The following FOXF1 variants were observed in gnomAD, a reference collection of about 807,000 sequenced individuals.
FOXF1 encodes the protein forkhead box protein F1.
FOXF1 carries 9 observed loss-of-function variants against 26.6 expected under a neutral mutation model. The observed-to-expected ratio is 0.34, with a 90% confidence interval of 0.20 to 0.59. The LOEUF is 0.59. Ranked by LOEUF, FOXF1 falls within the 20% of genes least tolerant of loss-of-function variation. The pLI, the probability that FOXF1 is intolerant of heterozygous loss-of-function variation, is 0.83. For synonymous variants in FOXF1, 330 were observed against 257.7 expected, an observed-to-expected ratio of 1.28 and a Z score of -2.69; for missense variants, 499 against 549.9, an observed-to-expected ratio of 0.91 and a Z score of 0.93.
At position 86,511,182 on chromosome 16, in the gene FOXF1, G is replaced by T. The variant is rs772320741; in HGVS notation, c.613G>T (p.Gly205Cys). The T allele has an allele frequency of 1.3e-6, 2 of 1,572,080 alleles. No individual in the cohort carries two copies. Among genetic ancestry groups the T allele is most frequent in the South Asian group, 1.1e-5 (1 of 88,392 alleles). The change falls in exon 1 of 2, where the codon GGC becomes TGC. Residue 205 changes from glycine (G) to cysteine (C), a missense_variant. Gly to Cys is a radical substitution (Grantham distance 159, BLOSUM62 -3). Coordinates refer to ENST00000262426, the MANE Select transcript of FOXF1 (RefSeq NM_001451.3). ...MNGHLPGNVDGMALPSHSVPH... is the reference protein window; with the variant it reads ...MNGHLPGNVDCMALPSHSVPH... ...CGGCCACTTGCCGGGCAACGTGGAC[G>T]GCATGGCCCTGCCCAGCCACTCGGT...
In FOXF1 at chr16:86,511,107, T is replaced by C; in HGVS notation, c.538T>C (p.Ser180Pro). 1 of 1,605,868 alleles carries C rather than the reference T, an allele frequency of 6.2e-7. No individual in the cohort carries two copies. The change falls in exon 1 of 2, where the codon TCG (serine) becomes CCG (proline). Residue 180 changes from serine (S) to proline (P), a missense_variant. Ser to Pro is a moderately conservative substitution (Grantham distance 74). This residue lies in a region of FOXF1 where 367 missense variants were observed against 324.8 expected (regional missense o/e 1.13). Coordinates refer to ENST00000262426, the MANE Select transcript of FOXF1 (RefSeq NM_001451.3). Reference sequence around the variant, plus strand: ...CTTCCAGGGCTCGGCCGGCGGCCTCTCGTGCCCGCCCAACAGCCTGGCGCT... The same window carrying C: ...CTTCCAGGGCTCGGCCGGCGGCCTCCCGTGCCCGCCCAACAGCCTGGCGCT... ...YGFQGSAGGLSCPPNSLALEG... is the reference protein window; with the variant it reads ...YGFQGSAGGLPCPPNSLALEG...
At position 86,511,120 on chromosome 16, in the gene FOXF1, A is replaced by G. The variant is rs766409570; in HGVS notation, c.551A>G (p.Asn184Ser). The G allele has an allele frequency of 2.5e-6, 4 of 1,604,044 alleles. No homozygotes were observed. In the East Asian group the frequency reaches 6.7e-5, roughly 27 times the overall value. The change falls in exon 1 of 2, where the codon AAC becomes AGC. Residue 184 changes from asparagine (N) to serine (S), a missense_variant. Physicochemically the swap from Asn to Ser is conservative, Grantham distance 46. Transcript: ENST00000262426. ...GSAGGLSCPP[N>S]SLALEGGLGM... ...GCCGGCGGCCTCTCGTGCCCGCCCA[A>G]CAGCCTGGCGCTGGAGGGCGGCCTG...
In FOXF1 at chr16:86,513,018, C is replaced by G. The variant is rs781073053; in HGVS notation, c.1073C>G (p.Ser358Trp). The G allele has an allele frequency of 6.2e-7, 1 of 1,613,914 alleles. No homozygotes were observed. The highest frequency in any genetic ancestry group is 1.7e-5 in the Admixed American group (1 of 60,026). Residue 358 changes from serine (S) to tryptophan (W), a missense_variant, in exon 2 of 2, where the codon TCG becomes TGG. Ser to Trp is a radical substitution (Grantham distance 177). This residue lies in a region of FOXF1 where 367 missense variants were observed against 324.8 expected (regional missense o/e 1.13). Coordinates refer to ENST00000262426, the MANE Select transcript of FOXF1 (RefSeq NM_001451.3). ...FNAMASSSMH[S>W]AGGGSYYHQQ... ...GCCATGGCGTCCTCTTCCATGCACT[C>G]GGCCGGCGGGGGCTCCTACTACCAC...
Position 86,515,047 on chromosome 16 carries a change from A to T in FOXF1, c.*1962A>T, listed in dbSNP as rs1289924892. 2.0e-5 allele frequency: 3 copies of T among 152,012 alleles called. No individual in the cohort carries two copies. The highest frequency in any genetic ancestry group is 4.4e-5 in the Non-Finnish European group (3 of 68,028). 9.4% of individuals were successfully genotyped at this position (152,012 alleles called of 1,614,324 possible). On this transcript the variant is annotated 3_prime_UTR_variant, in exon 2 of 2. Coordinates refer to ENST00000262426, the MANE Select transcript of FOXF1 (RefSeq NM_001451.3). This position sits in a 1 kb window ranked among gnomAD's most constrained non-coding sequence, Gnocchi z 4.1. ...TTGTTCTTGGTTTTCCCCGATAGAA[A>T]ATCAAGCAAAATCTAAATGAGGCAA...
Position 86,511,543 on chromosome 16 carries a change from T to C in FOXF1, c.974T>C (p.Leu325Pro). Residue 325 changes from leucine (L) to proline (P), a missense_variant, in exon 1 of 2, where the codon CTG becomes CCG. By Grantham distance (98) the Leu-to-Pro change is moderately conservative. This residue lies in a region of FOXF1 where 367 missense variants were observed against 324.8 expected (regional missense o/e 1.13). Transcript: ENST00000262426. ...AACAGCCACAACGCCCCAGCCGAGC[T>C]GCAAGGTGAGTGGGGAGGCCGAGGG... ...HQNSHNAPAE[L>P]QGIPRYHSQS... The C allele has an allele frequency of 1.9e-6, 3 of 1,586,292 alleles. No individual in the cohort carries two copies. Among genetic ancestry groups the C allele is most frequent in the Non-Finnish European group, 2.6e-6 (3 of 1,174,378 alleles).
Position 86,514,312 on chromosome 16 carries a change from A to T in FOXF1, c.*1227A>T, listed in dbSNP as rs943632269. ...TTTGTGACACGTATTTGAAATTTGA[A>T]ATTTCCTTCTGCACTGTATAAAAGG... On this transcript the variant is annotated 3_prime_UTR_variant, in exon 2 of 2. Coordinates refer to ENST00000262426, the MANE Select transcript of FOXF1 (RefSeq NM_001451.3). 6.6e-6 allele frequency: 1 copy of T among 152,000 alleles called. No individual in the cohort carries two copies. The highest frequency in any genetic ancestry group is 1.5e-5 in the Non-Finnish European group (1 of 68,014). 9.4% of individuals were successfully genotyped at this position (152,000 alleles called of 1,614,324 possible).
At chr16:86,512,078 C>T (rs1162377089) in intron 1 of FOXF1, among the ~76,000 whole-genome samples, 4 of 152,254 alleles carry the variant, frequency 2.6e-5, no homozygotes, top group Non-Finnish European at 2.9e-5. Context: ...GGCAGACCCA[C>T]AGCTGAGTCC....
rs770095719 is a variant in FOXF1, at chr16:86,510,972, G to A, written c.403G>A (p.Gly135Ser). The change falls in exon 1 of 2, where the codon GGC (glycine) becomes AGC (serine). Residue 135 changes from glycine (G) to serine (S), a missense_variant. Transcript: ENST00000262426. ...GGCCAGCGAGTTCATGTTCGAGGAGGGCTCCTTTCGGCGGCGGCCGCGCGG... is the reference window on the plus strand; with the variant it reads ...GGCCAGCGAGTTCATGTTCGAGGAGAGCTCCTTTCGGCGGCGGCCGCGCGG... ...DPASEFMFEE[G>S]SFRRRPRGFR... The A allele has an allele frequency of 1.9e-6, 3 of 1,613,560 alleles. No individual in the cohort carries two copies. The highest frequency in any genetic ancestry group is 2.5e-6 in the Non-Finnish European group (3 of 1,180,020).
rs983677217 is a variant in FOXF1, at chr16:86,514,549, G to C, written c.*1464G>C. 3 of 152,052 alleles carry C rather than the reference G, an allele frequency of 2.0e-5. No individual in the cohort carries two copies. Among genetic ancestry groups the C allele is most frequent in the African/African-American group, 7.2e-5 (3 of 41,424 alleles). The allele number at this position is 152,052 out of a possible 1,614,324, so 9.4% of individuals were successfully genotyped here. A position where few individuals can be genotyped will look rare whatever the true frequency, so the allele number is the denominator to read the frequency against. On this transcript the variant is annotated 3_prime_UTR_variant, in exon 2 of 2. Coordinates refer to ENST00000262426, the MANE Select transcript of FOXF1 (RefSeq NM_001451.3). The stretch of plus-strand genomic sequence containing the variant: ...AAAAACAGGCTTTGGATCTCTAGAC[G>C]CTTAAAAATTTACAATCTGGGTGAT...
rs1175647797 is a variant in FOXF1, at chr16:86,515,194, AC to A, written c.*2112del. Reference sequence around the variant, plus strand: ...TTAACACTTGTACCTTCCACTGACCACCCTCTTTCTATTCCAGTTCCCGGCT... The same window carrying A: ...TTAACACTTGTACCTTCCACTGACCACCTCTTTCTATTCCAGTTCCCGGCT... On this transcript the variant is annotated 3_prime_UTR_variant, in exon 2 of 2. Coordinates refer to ENST00000262426, the MANE Select transcript of FOXF1 (RefSeq NM_001451.3). The surrounding 1 kb of genome is among the most constrained non-coding windows in gnomAD (Gnocchi z 4.1). 6.6e-6 allele frequency: 1 copy of A among 151,732 alleles called. No individual in the cohort carries two copies. Among genetic ancestry groups the A allele is most frequent in the East Asian group, 1.9e-4 (1 of 5,184 alleles). The allele number at this position is 151,732 out of a possible 1,614,324, so 9.4% of individuals were successfully genotyped here.
Position 86,513,009 on chromosome 16 carries a change from C to T in FOXF1, c.1064C>T (p.Ser355Phe). Residue 355 changes from serine (S) to phenylalanine (F), a missense_variant, in exon 2 of 2, where the codon TCC becomes TTC. Transcript: ENST00000262426. Reference protein sequence around the residue: ...VFSFNAMASSSMHSAGGGSYY... With the variant: ...VFSFNAMASSFMHSAGGGSYY... ...TCTTTCAACGCCATGGCGTCCTCTT[C>T]CATGCACTCGGCCGGCGGGGGCTCC... The T allele has an allele frequency of 6.2e-7, 1 of 1,614,102 alleles. No individual in the cohort carries two copies. Among genetic ancestry groups the T allele is most frequent in the Non-Finnish European group, 8.5e-7 (1 of 1,180,044 alleles).
At position 86,511,349 on chromosome 16, in the gene FOXF1, C is replaced by T. The variant is rs745983331; in HGVS notation, c.780C>T (p.His260=). 2.8e-5 allele frequency: 44 copies of T among 1,549,802 alleles called. No individual in the cohort carries two copies. The Admixed American group carries it at 5.1e-4, about 18-fold the overall frequency. ...GCGCCGGTGGGGTCATGGAGCCGCA[C>T]GCCGTCTACTCGGGCTCGGCGGCGG... ...PTGAGGVMEP[H]AVYSGSAAAW... Residue 260 remains histidine (H), a synonymous_variant, in exon 1 of 2, where the codon CAC becomes CAT. Transcript: ENST00000262426.
rs559102131 is a variant in FOXF1, at chr16:86,515,030, G to A, written c.*1945G>A. On this transcript the variant is annotated 3_prime_UTR_variant, in exon 2 of 2. Coordinates refer to ENST00000262426, the MANE Select transcript of FOXF1 (RefSeq NM_001451.3). The surrounding 1 kb of genome is among the most constrained non-coding windows in gnomAD (Gnocchi z 4.1). ...TTTGGCTTTTTGGTGCCTTGTTCTTGGTTTTCCCCGATAGAAAATCAAGCA... is the reference window on the plus strand; with the variant it reads ...TTTGGCTTTTTGGTGCCTTGTTCTTAGTTTTCCCCGATAGAAAATCAAGCA... The A allele has an allele frequency of 1.4e-4, 22 of 152,104 alleles. No homozygotes were observed. Among genetic ancestry groups the A allele is most frequent in the Admixed American group, 1.3e-3 (20 of 15,270 alleles). The allele number at this position is 152,104 out of a possible 1,614,324, so 9.4% of individuals were successfully genotyped here.
chr16:86,510,656 G>C lies in FOXF1; in HGVS notation c.87G>C (p.Ala29=). Residue 29 remains alanine (A), a synonymous_variant, in exon 1 of 2, where the codon GCG becomes GCC. Coordinates refer to ENST00000262426, the MANE Select transcript of FOXF1 (RefSeq NM_001451.3). The part of the protein sequence containing the change: ...GGGGGAAMDP[A]SSGPSKAKKT... ...GAGGCGGCGCGGCCATGGACCCCGC[G>C]TCGTCCGGCCCGTCCAAGGCCAAGA... 2 of 1,602,804 alleles carry C rather than the reference G, an allele frequency of 1.2e-6. No homozygotes were observed. Among genetic ancestry groups the C allele is most frequent in the Non-Finnish European group, 1.7e-6 (2 of 1,175,898 alleles).
rs1290332470 is a variant in FOXF1, at chr16:86,514,826, T to A, written c.*1741T>A. The A allele has an allele frequency of 6.6e-6, 1 of 152,150 alleles. No homozygotes were observed. Among genetic ancestry groups the A allele is most frequent in the Non-Finnish European group, 1.5e-5 (1 of 68,030 alleles). The allele number at this position is 152,150 out of a possible 1,614,324, so 9.4% of individuals were successfully genotyped here. ...ATATGGATATACATATATATGTATATACATATATGTACATATATGTATACG... is the reference window on the plus strand; with the variant it reads ...ATATGGATATACATATATATGTATAAACATATATGTACATATATGTATACG... On this transcript the variant is annotated 3_prime_UTR_variant, in exon 2 of 2. Transcript: ENST00000262426.
In FOXF1 at chr16:86,511,436, C is replaced by G. The variant is rs769831606; in HGVS notation, c.867C>G (p.Pro289=). 4 of 1,594,934 alleles carry G rather than the reference C, an allele frequency of 2.5e-6. No homozygotes were observed. Among genetic ancestry groups the G allele is most frequent in the Non-Finnish European group, 8.5e-7 (1 of 1,178,640 alleles). Residue 289 remains proline, a synonymous_variant, in exon 1 of 2, where the codon CCC becomes CCG. Transcript: ENST00000262426. The part of the protein sequence containing the change: ...NSGASYIKQQ[P]LSPCNPAANP... The stretch of plus-strand genomic sequence containing the variant: ...GCGCCTCTTATATCAAGCAGCAGCC[C>G]CTGTCCCCCTGTAACCCCGCGGCCA...
chr16:86,514,418 G>C lies in FOXF1; in HGVS notation c.*1333G>C, dbSNP rs1014182297. ...TAAAAATGTATAACATTTGTACATG[G>C]CCTTTAAAATTGTATCAACTAGAAA... On this transcript the variant is annotated 3_prime_UTR_variant, in exon 2 of 2. Transcript: ENST00000262426. 6.6e-6 allele frequency: 1 copy of C among 151,992 alleles called. No homozygotes were observed. The highest frequency in any genetic ancestry group is 6.6e-5 in the Admixed American group (1 of 15,260). 9.4% of individuals were successfully genotyped at this position (151,992 alleles called of 1,614,324 possible).
intron 1 of FOXF1, among the ~76,000 whole-genome samples, chr16:86,512,476 T>C (rs1969581879): frequency 6.6e-6 from 1 of 152,212 alleles, no homozygotes; most frequent in Non-Finnish European, 1.5e-5. Flanking sequence ...AAGCTTCTTC[T>C]CACCCCTGCT....
Position 86,510,604 on chromosome 16 carries a change from A to ACGGCGGCGG in FOXF1, c.51_59dup (p.Gly21_Gly23dup), listed in dbSNP as rs574179816. The ACGGCGGCGG allele has an allele frequency of 2.8e-5, 38 of 1,379,122 alleles. No homozygotes were observed. The South Asian group carries it at 2.9e-4, about 11-fold the overall frequency. 85.4% of individuals were successfully genotyped at this position (1,379,122 alleles called of 1,614,324 possible). ...GCGCCCGAGAAGCAGCAGCCACCGC[A>ACGGCGGCGG]CGGCGGCGGCGGCGGCGGCGGCGGG... On this transcript the variant is annotated inframe_insertion, in exon 1 of 2. Transcript: ENST00000262426.
Sources: gnomAD v4.1 joint callset for allele counts (sites outside exome capture counted in the v4.1 genomes callset) on GRCh38, gnomAD v4.1.1 for gene constraint, gnomAD v4.1.1 regional missense constraint, Gnocchi (gnomAD v3.1) non-coding constraint, MANE v1.5 for transcripts, NCBI Gene and HGNC (gene_info 2026-07-23, HGNC 2026-07-21) for gene names.